Variants in GPCPD1 observed in about 807,000 individuals in gnomAD.
The protein encoded by GPCPD1 is glycerophosphocholine phosphodiesterase GPCPD1.
Under a neutral mutation model 89.2 loss-of-function variants are expected in GPCPD1, and 29 were observed. That is an observed-to-expected ratio of 0.33 (90% CI 0.24 to 0.44). The LOEUF (loss-of-function observed/expected upper bound fraction) is 0.44. GPCPD1 is among the 20% of genes least tolerant of loss of function. The pLI, the probability that GPCPD1 is intolerant of heterozygous loss-of-function variation, is 1.00. For missense variants in GPCPD1, 594 were observed against 808.9 expected, an observed-to-expected ratio of 0.73 and a Z score of 3.22; for synonymous variants, 258 against 266.3, an observed-to-expected ratio of 0.97 and a Z score of 0.30.
chr20:5,591,117 C>A (rs1268531546), intron 4 of GPCPD1, among the ~76,000 whole-genome samples: 1 of 152,084 alleles, frequency 6.6e-6, no homozygotes, highest in Non-Finnish European at 1.5e-5. Flanking sequence ...TGTTTTCATT[C>A]CAGGAATACT....
chr20:5,549,031 T>C (rs902086605), intron 19 of GPCPD1: 1 of 677,794 alleles, frequency 1.5e-6, no homozygotes, highest in Admixed American at 2.2e-5. Context: ...CTAAGTTTGA[T>C]CCTGTTGACT....
At chr20:5,587,991 G>A (rs2122729559) in intron 4 of GPCPD1, among the ~76,000 whole-genome samples, 1 of 152,178 alleles carries the variant, frequency 6.6e-6, no homozygotes, top group South Asian at 2.1e-4. Flanking sequence ...TTTTTCTCTA[G>A]CTAAACACTT....
chr20:5,570,363 G>A lies in GPCPD1; in HGVS notation c.1057-124C>T, dbSNP rs931113412. ...GACCTGTACAAACTTTTTCTAAAAAGTAATGTATTCTCTTAAAACAATGGG... is the reference window on the plus strand; with the variant it reads ...GACCTGTACAAACTTTTTCTAAAAAATAATGTATTCTCTTAAAACAATGGG... On this transcript the variant is annotated intron_variant, in intron 11 of 19. Coordinates refer to ENST00000379019, the MANE Select transcript of GPCPD1 (RefSeq NM_019593.5). 17 of 188,162 alleles carry A rather than the reference G, an allele frequency of 9.0e-5. No homozygotes were observed. The East Asian group carries it at 3.0e-3, about 34-fold the overall frequency. 11.7% of individuals were successfully genotyped at this position (188,162 alleles called of 1,614,324 possible). A position where few individuals can be genotyped will look rare whatever the true frequency, so the allele number is the denominator to read the frequency against.
Position 5,559,963 on chromosome 20 carries a change from T to C in GPCPD1, c.1509A>G (p.Ser503=). The C allele has an allele frequency of 6.4e-7, 1 of 1,551,386 alleles. No individual in the cohort carries two copies. Among genetic ancestry groups the C allele is most frequent in the Middle Eastern group, 1.7e-4 (1 of 5,828 alleles). ...ACATTGTGCAAATATCTGCATCAAA[T>C]GAAGAAAACACTATTCTCCTCTTCC... ...NSGKRRIVFS[S]FDADICTMVR... Residue 503 remains serine (S), a synonymous_variant, in exon 17 of 20, where the codon TCA becomes TCG. Transcript: ENST00000379019.
chr20:5,555,140 C>G (rs1985680969), intron 19 of GPCPD1, among the ~76,000 whole-genome samples: 1 of 152,210 alleles, frequency 6.6e-6, no homozygotes, highest in Non-Finnish European at 1.5e-5. Flanking sequence ...AACAAAGATG[C>G]TCTGAACATT....
chr20:5,602,410 A>G (rs1435469839), intron 2 of GPCPD1, among the ~76,000 whole-genome samples: 2 of 152,214 alleles, frequency 1.3e-5, no homozygotes, highest in Non-Finnish European at 2.9e-5. Flanking sequence ...ACTAAACCAG[A>G]GGTGAGCACT....
chr20:5,553,323 A>C (rs1299873205), intron 19 of GPCPD1, among the ~76,000 whole-genome samples: 1 of 152,114 alleles, frequency 6.6e-6, no homozygotes, highest in Non-Finnish European at 1.5e-5. Context: ...GTGTGTTCTG[A>C]CTGCTCCACT....
At chr20:5,570,425 G>GC (rs750984723) in intron 11 of GPCPD1, among the ~76,000 whole-genome samples, 186 bp from the exon 12 acceptor site, 8,345 of 47,914 alleles carry the variant, frequency 0.17, 374 homozygotes, top group African/African-American at 0.34. Flanking sequence ...CTTTTTCCTG[G>GC]CAAAAAAAAA....
At chr20:5,563,438 T>C (rs537767841) in intron 15 of GPCPD1, among the ~76,000 whole-genome samples, 63 of 152,328 alleles carry the variant, frequency 4.1e-4, no homozygotes, top group African/African-American at 1.3e-3. Context: ...TTTTAGAAAA[T>C]TGAATTAGAA....
At chr20:5,595,799 GA>G (rs150390295) in intron 3 of GPCPD1, among the ~76,000 whole-genome samples, 4 of 121,686 alleles carry the variant, frequency 3.3e-5, no homozygotes, top group Non-Finnish European at 7.2e-5. Context: ...ACCCCAAAAA[GA>G]AAAAAAGGGG....
At chr20:5,610,466 G>A (rs1753313018) in intron 1 of GPCPD1, among the ~76,000 whole-genome samples, 1 of 152,074 alleles carries the variant, frequency 6.6e-6, no homozygotes, top group African/African-American at 2.4e-5. Flanking sequence ...TGTCCCCAGA[G>A]GACCTCATCT....
At chr20:5,558,906 A>G (rs1388778791) in intron 17 of GPCPD1, 87 bp from the exon 18 acceptor site, 11 of 1,028,920 alleles carry the variant, frequency 1.1e-5, no homozygotes, top group Non-Finnish European at 1.4e-5. Context: ...CTGAAAGTAT[A>G]AAGAAAACAA....
chr20:5,570,632 T>A (rs148343180), intron 11 of GPCPD1, among the ~76,000 whole-genome samples: 1 of 152,154 alleles, frequency 6.6e-6, no homozygotes. Flanking sequence ...ACATGAAAGA[T>A]TCAGTGAGGG....
chr20:5,584,215 C>T, intron 6 of GPCPD1, 66 bp downstream of exon 6: 2 of 794,080 alleles, frequency 2.5e-6, no homozygotes, highest in South Asian at 3.1e-5. Flanking sequence ...TATATAACTC[C>T]AGTGAAATGT....
intron 12 of GPCPD1, 181 bp from the exon 13 acceptor site, chr20:5,567,741 A>C (rs1225141128): frequency 7.9e-6 from 4 of 503,304 alleles, no homozygotes; most frequent in Non-Finnish European, 1.3e-5. Context: ...TTCTAACCTA[A>C]CACCACCTCC....
At chr20:5,567,221 A>C (rs1986436122) in intron 13 of GPCPD1, among the ~76,000 whole-genome samples, 1 of 152,242 alleles carries the variant, frequency 6.6e-6, no homozygotes, top group Non-Finnish European at 1.5e-5. Flanking sequence ...GAGAAGGGCT[A>C]GCCACTATGG....
intron 2 of GPCPD1, among the ~76,000 whole-genome samples, chr20:5,600,081 T>C (rs932182168): frequency 6.6e-6 from 1 of 152,196 alleles, no homozygotes; most frequent in Non-Finnish European, 1.5e-5. Flanking sequence ...AACTGCCAAT[T>C]TGGCTCAAGA....
intron 2 of GPCPD1, among the ~76,000 whole-genome samples, chr20:5,601,536 T>C (rs377154648): frequency 2.0e-5 from 3 of 151,890 alleles, no homozygotes; most frequent in East Asian, 3.9e-4. Context: ...GCCCGGCTAA[T>C]TTTTGTATTT....
chr20:5,577,053 GTTTTTTTTTTTGTT>G (rs942990677), intron 8 of GPCPD1, among the ~76,000 whole-genome samples: 1 of 124,632 alleles, frequency 8.0e-6, no homozygotes, highest in Non-Finnish European at 1.7e-5. Context: ...AAAAAAAGTT[GTTTTTTTTTTTGTT>G]TTTTTTTTTT....
Sources: gnomAD v4.1 joint callset for allele counts (sites outside exome capture counted in the v4.1 genomes callset) on GRCh38, gnomAD v4.1.1 for gene constraint, MANE v1.5 for transcripts, NCBI Gene and HGNC (gene_info 2026-07-23, HGNC 2026-07-21) for gene names.